ARHGAP17: variants seen among roughly 807,000 people sequenced by gnomAD.
The protein encoded by ARHGAP17 is Rho GTPase activating protein 17.
Under a neutral mutation model 99.5 loss-of-function variants are expected in ARHGAP17, and 57 were observed. The ratio of observed to expected loss-of-function variants is 0.57; its 90% CI spans 0.46 to 0.71. The LOEUF is 0.71. Ranked by LOEUF, ARHGAP17 falls within the 30% of genes least tolerant of loss-of-function variation. ARHGAP17 has a pLI of 0.00. For missense variants in ARHGAP17, 1,000 were observed against 1,122.4 expected (o/e 0.89, Z 1.56); for synonymous variants, 417 against 429.6 (o/e 0.97, Z 0.36).
rs2051510050 is a variant in ARHGAP17, at chr16:24,947,564, G to A, written c.1159C>T (p.Gln387Ter). ...GTCATTTTATTCACATCGCTGGTCT[G>A]AGCAAGCTTTGCAAGGAACTTGATC... Reference protein sequence around the residue: ...YLIKFLAKLAQTSDVNKMTPS... With the variant: ...YLIKFLAKLA The change falls in exon 14 of 20, where the codon CAG becomes TAG. Residue 387 changes from glutamine (Q) to a stop codon, truncating the protein, a stop_gained. Coordinates refer to ENST00000289968, the MANE Select transcript of ARHGAP17 (RefSeq NM_001006634.3). LOFTEE classifies it high-confidence loss of function. 6.2e-7 allele frequency: 1 copy of A among 1,612,884 alleles called. No individual in the cohort carries two copies. The highest frequency in any genetic ancestry group is 1.3e-5 in the African/African-American group (1 of 75,062).
At chr16:24,968,891 C>T in intron 4 of ARHGAP17, 119 bp from the exon 5 acceptor site, 1 of 830,916 alleles carries the variant, frequency 1.2e-6, no homozygotes, top group South Asian at 1.6e-5. Flanking sequence ...ACCTAACGAG[C>T]CTTGAAAATA....
chr16:24,966,570 G>C (rs931936285), intron 6 of ARHGAP17, among the ~76,000 whole-genome samples: 1 of 152,010 alleles, frequency 6.6e-6, no homozygotes, highest in South Asian at 2.1e-4. Flanking sequence ...CACCTTGGTT[G>C]CAGTGAGCCA....
Position 24,977,267 on chromosome 16 carries a change from C to A in ARHGAP17, c.146G>T (p.Arg49Leu). The change falls in exon 3 of 20, where the codon CGC becomes CTC. Residue 49 changes from arginine to leucine, a missense_variant. By Grantham distance (102) the Arg-to-Leu change is moderately radical. Around this residue, in one of 2 missense-constraint regions of ARHGAP17, gnomAD observed 472 missense variants for 611.1 expected, o/e 0.77. Transcript: ENST00000289968. ...CTGGCCCTGGAAACATGCCACCAAG[C>A]GCTTATGGGAATGGTGGCATATTGA... ...VRSICHHSHK[R>L]LVACFQGQHG... The A allele has an allele frequency of 6.3e-7, 1 of 1,596,932 alleles. No individual in the cohort carries two copies. Among genetic ancestry groups the A allele is most frequent in the Non-Finnish European group, 8.6e-7 (1 of 1,168,320 alleles).
intron 18 of ARHGAP17, among the ~76,000 whole-genome samples, chr16:24,933,482 T>C (rs1309069454): frequency 6.9e-6 from 1 of 144,200 alleles, no homozygotes; most frequent in African/African-American, 2.7e-5. Context: ...ACCCTGCCTC[T>C]AAAAAACATA....
chr16:24,934,136 T>C (rs367638375), intron 18 of ARHGAP17, among the ~76,000 whole-genome samples: 2 of 152,192 alleles, frequency 1.3e-5, no homozygotes, highest in Non-Finnish European at 2.9e-5. Flanking sequence ...CATGCTTCTA[T>C]AGACAGACAC....
intron 4 of ARHGAP17, among the ~76,000 whole-genome samples, chr16:24,969,184 A>G (rs1477631456): frequency 1.3e-5 from 2 of 152,236 alleles, no homozygotes; most frequent in Admixed American, 6.5e-5. Context: ...CAGATGAGCT[A>G]GCTGGCTAAC....
intron 12 of ARHGAP17, among the ~76,000 whole-genome samples, chr16:24,952,000 C>T (rs1022056224): frequency 2.6e-5 from 4 of 152,180 alleles, no homozygotes; most frequent in African/African-American, 9.7e-5. Flanking sequence ...CTTTCTTCAA[C>T]ATAAAGGGGG....
chr16:24,942,862 AG>A (rs1476451834), intron 15 of ARHGAP17, among the ~76,000 whole-genome samples: 1 of 152,232 alleles, frequency 6.6e-6, no homozygotes, highest in Non-Finnish European at 1.5e-5. Flanking sequence ...AGTTTTTGCA[AG>A]AATCATTTCC....
chr16:24,982,885 T>A (rs1230145786), intron 1 of ARHGAP17, among the ~76,000 whole-genome samples: 2 of 143,894 alleles, frequency 1.4e-5, no homozygotes, highest in Non-Finnish European at 3.0e-5. Context: ...GGCAAGAGAC[T>A]GAATTCGTCA....
At chr16:24,954,519 CAG>C (rs2060544221) in intron 10 of ARHGAP17, 82 bp downstream of exon 10, 2 of 1,520,072 alleles carry the variant, frequency 1.3e-6, no homozygotes, top group Non-Finnish European at 8.8e-7. Context: ...CAGGGGTGGA[CAG>C]GGGGCTGGCG....
intron 15 of ARHGAP17, among the ~76,000 whole-genome samples, chr16:24,943,242 C>T (rs186891381): frequency 1.1e-4 from 17 of 152,288 alleles, no homozygotes; most frequent in African/African-American, 4.1e-4. Flanking sequence ...ACCAGCTGGC[C>T]CCGATCAACC....
intron 19 of ARHGAP17, among the ~76,000 whole-genome samples, chr16:24,924,777 C>T (rs925206474): frequency 1.3e-5 from 2 of 151,534 alleles, no homozygotes; most frequent in Non-Finnish European, 2.9e-5. Context: ...GCAGGAGAAT[C>T]GCTTGAACCT....
chr16:25,000,455 C>T (rs74013615), intron 1 of ARHGAP17, among the ~76,000 whole-genome samples: 5,901 of 152,234 alleles, frequency 0.039, 373 homozygotes, highest in African/African-American at 0.13. Flanking sequence ...CTTGAGCTGC[C>T]GACCATGTGG....
chr16:24,931,238 G>T lies in ARHGAP17; in HGVS notation c.2061C>A (p.Gly687=). The part of the protein sequence containing the change: ...PPTQHTGQPP[G]QPSAPSQLSA... ...AGAGCTGGGAGGGGGCGGAGGGCTGGCCTGGAGGCTGGCCCGTGTGCTGGG... is the reference window on the plus strand; with the variant it reads ...AGAGCTGGGAGGGGGCGGAGGGCTGTCCTGGAGGCTGGCCCGTGTGCTGGG... The change falls in exon 19 of 20, where the codon GGC becomes GGA. Residue 687 remains glycine, a synonymous_variant. Coordinates refer to ENST00000289968, the MANE Select transcript of ARHGAP17 (RefSeq NM_001006634.3). 1 of 1,550,178 alleles carries T rather than the reference G, an allele frequency of 6.5e-7. No homozygotes were observed. Among genetic ancestry groups the T allele is most frequent in the Non-Finnish European group, 8.7e-7 (1 of 1,148,688 alleles).
chr16:24,984,937 A>T (rs1678753249), intron 1 of ARHGAP17, among the ~76,000 whole-genome samples: 1 of 152,214 alleles, frequency 6.6e-6, no homozygotes. Context: ...CAGTTTTAAA[A>T]ATTTTATGTT....
chr16:24,924,301 A>G (rs2050786351), intron 19 of ARHGAP17, among the ~76,000 whole-genome samples: 1 of 152,162 alleles, frequency 6.6e-6, no homozygotes, highest in Admixed American at 6.6e-5. Context: ...ATGAATTTAT[A>G]TATTATTTGC....
intron 1 of ARHGAP17, among the ~76,000 whole-genome samples, chr16:25,006,641 G>A (rs1448342377): frequency 6.6e-6 from 1 of 152,148 alleles, no homozygotes; most frequent in Non-Finnish European, 1.5e-5. Flanking sequence ...AGGCGTTGCA[G>A]GCCATATGGG....
At position 24,987,391 on chromosome 16, in the gene ARHGAP17, T is replaced by C. The variant is rs140163469; in HGVS notation, c.54-8386A>G. Among the ~76,000 whole-genome samples the C allele has an allele frequency of 2.4e-3, 363 of 152,344 alleles. 11 individuals carry two copies. In the East Asian group the frequency reaches 0.058, roughly 24 times the overall value. The stretch of plus-strand genomic sequence containing the variant: ...CCAGAGTTTGCTGACCCCTGATCTA[T>C]GTACAAGTGAAGTCCATTTTCCCAT... On this transcript the variant is annotated intron_variant, in intron 1 of 19. Coordinates refer to ENST00000289968, the MANE Select transcript of ARHGAP17 (RefSeq NM_001006634.3).
rs1283545712 is a variant in ARHGAP17 at position 24,930,882 on chromosome 16, C to T, written c.2417G>A (p.Arg806Gln). The stretch of plus-strand genomic sequence containing the variant: ...TTGGGGGGGTGGGGGCACGCTGGGC[C>T]GGTTCCTTGGCTTTGGTACTGGTCT... ...RPRPVPKPRN[R>Q]PSVPPPPQPP... The change falls in exon 19 of 20, where the codon CGG (arginine) becomes CAG (glutamine). Residue 806 changes from arginine to glutamine, a missense_variant. Around this residue, in one of 2 missense-constraint regions of ARHGAP17, gnomAD observed 528 missense variants for 511.4 expected, o/e 1.03. Transcript: ENST00000289968. The T allele has an allele frequency of 6.8e-6, 11 of 1,613,338 alleles. No individual in the cohort carries two copies. The highest frequency in any genetic ancestry group is 2.2e-5 in the South Asian group (2 of 90,978).
Sources: allele counts gnomAD v4.1 joint callset (sites outside exome capture counted in the v4.1 genomes callset), GRCh38; gene constraint gnomAD v4.1.1; regional missense constraint gnomAD v4.1.1; transcripts MANE v1.5; gene names NCBI Gene and HGNC (gene_info 2026-07-23, HGNC 2026-07-21).